Variants in RTL4 observed in about 807,000 individuals in gnomAD.
RTL4 encodes the protein retrotransposon Gag-like protein 4.
Under a neutral mutation model 5.3 loss-of-function variants are expected in RTL4, and 4 were observed. That is an observed-to-expected ratio of 0.75 (90% CI 0.37 to 1.72). The LOEUF (loss-of-function observed/expected upper bound fraction) is 1.72, where lower values mean the gene tolerates loss of function less well. Among genes scored for constraint, RTL4 ranks in the 40% most tolerant of loss-of-function variants. RTL4 has a pLI of 0.04. For missense variants in RTL4, 260 were observed against 227.1 expected (o/e 1.14, Z -0.93); for synonymous variants, 98 against 87.3 (o/e 1.12, Z -0.68).
the RTL4 span, among the ~76,000 whole-genome samples, chrX:112,366,985 G>A: frequency 9.0e-6 from 1 of 111,429 alleles, no homozygotes; most frequent in East Asian, 2.8e-4. Context: ...AGTCACCTTT[G>A]AGGAAGCTTC....
At chrX:112,320,122 A>T in the RTL4 span, 1 of 111,720 alleles carries the variant, frequency 9.0e-6, no homozygotes, top group East Asian at 2.8e-4. Context: ...ATCTCTATAT[A>T]TGAGGGATAT....
chrX:112,379,703 C>T, the RTL4 span, among the ~76,000 whole-genome samples: 3 of 111,714 alleles, frequency 2.7e-5, no homozygotes, highest in African/African-American at 9.7e-5. Flanking sequence ...TCTAGCAATT[C>T]ATTTTTTGCT....
At chrX:112,287,991 T>C in the RTL4 span, among the ~76,000 whole-genome samples, 2 of 111,882 alleles carry the variant, frequency 1.8e-5, no homozygotes, top group Non-Finnish European at 3.8e-5. Flanking sequence ...ATTTCTCTGC[T>C]GCATTTAGCT....
the RTL4 span, among the ~76,000 whole-genome samples, chrX:112,421,574 C>A: frequency 6.3e-5 from 7 of 111,833 alleles, no homozygotes; most frequent in South Asian, 2.6e-3. Context: ...CAAGATACCT[C>A]AATCCCAAAC....
chrX:112,118,437 T>C, the RTL4 span, among the ~76,000 whole-genome samples: 1 of 112,438 alleles, frequency 8.9e-6, no homozygotes, highest in South Asian at 3.7e-4. Context: ...ATTGTCCTCA[T>C]GACATGGCAG....
At chrX:112,397,959 A>G in the RTL4 span, among the ~76,000 whole-genome samples, 1 of 111,728 alleles carries the variant, frequency 9.0e-6, no homozygotes, top group African/African-American at 3.3e-5. Context: ...TTCTTTTTCT[A>G]TTCAGTTGCC....
At chrX:112,272,913 C>T in the RTL4 span, among the ~76,000 whole-genome samples, 5 of 110,984 alleles carry the variant, frequency 4.5e-5, no homozygotes, top group South Asian at 1.9e-3. Flanking sequence ...GAGAAAGATG[C>T]TATTATTATC....
the RTL4 span, among the ~76,000 whole-genome samples, chrX:112,335,386 A>G: frequency 1.8e-5 from 2 of 111,912 alleles, no homozygotes; most frequent in Non-Finnish European, 3.8e-5. Context: ...ACAAACAAAA[A>G]CACCAAACTT....
At chrX:112,265,076 A>G in the RTL4 span, among the ~76,000 whole-genome samples, 1 of 112,331 alleles carries the variant, frequency 8.9e-6, no homozygotes, top group African/African-American at 3.2e-5. Flanking sequence ...CAATGAGCTC[A>G]CAGACAGCAG....
the RTL4 span, among the ~76,000 whole-genome samples, chrX:112,437,561 A>G: frequency 9.0e-6 from 1 of 111,281 alleles, no homozygotes; most frequent in Non-Finnish European, 1.9e-5. Flanking sequence ...TTGTCAATAT[A>G]TAATAAAAAT....
the RTL4 span, among the ~76,000 whole-genome samples, chrX:112,135,449 TC>T: frequency 9.0e-6 from 1 of 111,574 alleles, no homozygotes; most frequent in African/African-American, 3.2e-5. Context: ...TAGATATACT[TC>T]GCAATGATTT....
chrX:112,206,408 C>A, the RTL4 span, among the ~76,000 whole-genome samples: 1 of 111,299 alleles, frequency 9.0e-6, no homozygotes, highest in Non-Finnish European at 1.9e-5. Flanking sequence ...GAAATGCCAG[C>A]ATTACTTTTC....
the RTL4 span, among the ~76,000 whole-genome samples, chrX:112,379,194 T>C: frequency 8.9e-6 from 1 of 112,508 alleles, no homozygotes; most frequent in Non-Finnish European, 1.9e-5. Context: ...AGAGCAATAG[T>C]GCAGCTTTTT....
At chrX:112,299,774 G>A in the RTL4 span, among the ~76,000 whole-genome samples, 1 of 111,477 alleles carries the variant, frequency 9.0e-6, no homozygotes, top group Non-Finnish European at 1.9e-5. Flanking sequence ...ACCTTCTCAG[G>A]AACTTGATGC....
At chrX:112,327,917 T>C in the RTL4 span, among the ~76,000 whole-genome samples, 26 of 108,816 alleles carry the variant, frequency 2.4e-4, no homozygotes, top group Non-Finnish European at 3.1e-4. Flanking sequence ...AGCTTCATAA[T>C]TGAAGGAGAA....
At chrX:112,247,916 G>T in the RTL4 span, among the ~76,000 whole-genome samples, 23 of 112,217 alleles carry the variant, frequency 2.0e-4, no homozygotes, top group African/African-American at 6.1e-4. Flanking sequence ...TGACCTTGCA[G>T]AACTGGGTGT....
the RTL4 span, among the ~76,000 whole-genome samples, chrX:112,361,702 A>G: frequency 9.0e-6 from 1 of 110,745 alleles, no homozygotes; most frequent in Non-Finnish European, 1.9e-5. Context: ...CCATGAGAAG[A>G]GTTCTGGTCT....
chrX:112,370,586 C>T, the RTL4 span, among the ~76,000 whole-genome samples: 4 of 111,254 alleles, frequency 3.6e-5, no homozygotes, highest in Admixed American at 1.9e-4. Flanking sequence ...TGTCAGTTTG[C>T]TTTTTGCAAG....
At chrX:112,153,817 T>C in the RTL4 span, among the ~76,000 whole-genome samples, 1 of 107,463 alleles carries the variant, frequency 9.3e-6, no homozygotes, top group Non-Finnish European at 2.0e-5. Flanking sequence ...GTGGATCTCT[T>C]TGAGTTTATC....
Sources: allele counts gnomAD v4.1 joint callset (sites outside exome capture counted in the v4.1 genomes callset), GRCh38; gene constraint gnomAD v4.1.1; transcripts MANE v1.5; gene names NCBI Gene and HGNC (gene_info 2026-07-23, HGNC 2026-07-21).